The following CNTN1 variants were observed in gnomAD, a reference collection of about 807,000 sequenced individuals.
CNTN1 encodes the protein contactin 1, also known as contactin-1.
A neutral mutation model predicts 126.4 loss-of-function variants in CNTN1; 38 were observed. That is an observed-to-expected ratio of 0.30 (90% CI 0.23 to 0.39). CNTN1 has a LOEUF of 0.39. Ranked by LOEUF, CNTN1 falls within the 10% of genes least tolerant of loss-of-function variation. The pLI is 1.00. For synonymous variants in CNTN1, 413 were observed against 422.6 expected, an observed-to-expected ratio of 0.98 and a Z score of 0.28; for missense variants, 1,009 against 1,248.4, an observed-to-expected ratio of 0.81 and a Z score of 2.89.
intron 1 of CNTN1, among the ~76,000 whole-genome samples, chr12:40,755,496 TGGGGCC>T (rs1938572775): frequency 6.6e-6 from 1 of 151,592 alleles, no homozygotes; most frequent in Admixed American, 6.6e-5. Context: ...GAGGATTGCT[TGGGGCC>T]GGGAGTTTGG....
intron 11 of CNTN1, among the ~76,000 whole-genome samples, chr12:40,938,592 A>G (rs1946160265): frequency 6.6e-6 from 1 of 152,220 alleles, no homozygotes; most frequent in African/African-American, 2.4e-5. Flanking sequence ...TTTCTCATTT[A>G]TAAACTGGGA....
At chr12:40,819,927 G>T (rs1163433245) in intron 1 of CNTN1, among the ~76,000 whole-genome samples, 1 of 152,170 alleles carries the variant, frequency 6.6e-6, no homozygotes, top group East Asian at 1.9e-4. Context: ...CCTTCCTTGT[G>T]TCGTTCTCAG....
chr12:40,771,901 G>A (rs375654104), intron 1 of CNTN1, among the ~76,000 whole-genome samples: 2 of 151,836 alleles, frequency 1.3e-5, no homozygotes, highest in African/African-American at 4.8e-5. Flanking sequence ...ATGCTATGCC[G>A]AGGGAAATAC....
chr12:40,915,600 A>G (rs1295077584), intron 3 of CNTN1, among the ~76,000 whole-genome samples: 1 of 152,104 alleles, frequency 6.6e-6, no homozygotes, highest in Non-Finnish European at 1.5e-5. Context: ...AATCTTTCCA[A>G]TGTGCTGCTT....
rs1449491070 is a variant in CNTN1, at chr12:40,693,392, G to A, written c.-77+800G>A. ...GATTGTGCCCGGATGGGCTCCGAGC[G>A]GCTGCGAGGCTGCCTCCCTAGGTGA... On this transcript the variant is annotated intron_variant, in intron 1 of 23. Coordinates refer to ENST00000551295, the MANE Select transcript of CNTN1 (RefSeq NM_001843.4). Among the ~76,000 whole-genome samples the A allele has an allele frequency of 5.3e-5, 8 of 152,322 alleles. No homozygotes were observed. In the South Asian group the frequency reaches 1.7e-3, roughly 32 times the overall value.
chr12:40,904,506 A>G (rs7970447), intron 1 of CNTN1, among the ~76,000 whole-genome samples: 63,411 of 150,376 alleles, frequency 0.42, 13,841 homozygotes, highest in African/African-American at 0.54. Flanking sequence ...TCCACTCACT[A>G]CAACCTCCAG....
At chr12:40,859,388 G>T (rs1244526853) in intron 1 of CNTN1, among the ~76,000 whole-genome samples, 1 of 152,056 alleles carries the variant, frequency 6.6e-6, no homozygotes, top group Non-Finnish European at 1.5e-5. Context: ...GGATATAAAA[G>T]ATAAGATAAT....
intron 1 of CNTN1, among the ~76,000 whole-genome samples, chr12:40,755,997 T>G (rs774685377): frequency 3.9e-5 from 6 of 152,138 alleles, no homozygotes; most frequent in Admixed American, 2.0e-4. Flanking sequence ...ACATTCTGTA[T>G]GATTATATGG....
At chr12:40,860,570 G>GGTT (rs1173844062) in intron 1 of CNTN1, among the ~76,000 whole-genome samples, 3 of 152,094 alleles carry the variant, frequency 2.0e-5, no homozygotes, top group African/African-American at 7.2e-5. Flanking sequence ...ATAAATTGCT[G>GGTT]TAATGTCTCA....
At chr12:41,023,026 G>T (rs71449802) in intron 20 of CNTN1, among the ~76,000 whole-genome samples, 5 of 152,026 alleles carry the variant, frequency 3.3e-5, no homozygotes, top group Admixed American at 3.3e-4. Context: ...TGGCCGGTAG[G>T]GGGGAGGGGG....
chr12:40,993,964 A>G (rs1040421833), intron 17 of CNTN1, among the ~76,000 whole-genome samples: 2 of 152,124 alleles, frequency 1.3e-5, no homozygotes, highest in Admixed American at 6.6e-5. Context: ...TTAAGTATAA[A>G]TTATATTCAG....
chr12:40,949,302 G>A (rs1301475619), intron 14 of CNTN1, among the ~76,000 whole-genome samples: 2 of 147,878 alleles, frequency 1.4e-5, no homozygotes, highest in East Asian at 3.9e-4. Flanking sequence ...TATACTTTAA[G>A]TTTTAGGGTA....
chr12:40,930,832 A>G (rs771273473), intron 7 of CNTN1, among the ~76,000 whole-genome samples: 14 of 151,908 alleles, frequency 9.2e-5, no homozygotes, highest in Non-Finnish European at 2.1e-4. Flanking sequence ...CACTCACATA[A>G]TTGGTATTCA....
rs545656270 is a variant in CNTN1 at position 40,855,368 on chromosome 12, G to A, written c.-76-52989G>A. On this transcript the variant is annotated intron_variant, in intron 1 of 23. Coordinates refer to ENST00000551295, the MANE Select transcript of CNTN1 (RefSeq NM_001843.4). ...TATCCATTAGAGTCTGAATAATACC[G>A]AGATTCAATGCTCGTCATTATCTAT... is the stretch of plus-strand genomic sequence containing the variant. Among the ~76,000 whole-genome samples the A allele has an allele frequency of 1.6e-4, 25 of 151,808 alleles. No individual in the cohort carries two copies. In the East Asian group the frequency reaches 2.7e-3, roughly 17 times the overall value.
chr12:40,923,804 A>G (rs1159001659), intron 5 of CNTN1, among the ~76,000 whole-genome samples: 1 of 152,186 alleles, frequency 6.6e-6, no homozygotes, highest in Non-Finnish European at 1.5e-5. Flanking sequence ...CTCTGCAAAA[A>G]AGTAACACTT....
At chr12:40,770,470 A>G (rs1292931421) in intron 1 of CNTN1, among the ~76,000 whole-genome samples, 1 of 152,174 alleles carries the variant, frequency 6.6e-6, no homozygotes, top group Non-Finnish European at 1.5e-5. Flanking sequence ...GAACATTTCT[A>G]TGGTAAACTT....
At chr12:40,750,649 T>C (rs1318802220) in intron 1 of CNTN1, among the ~76,000 whole-genome samples, 1 of 149,086 alleles carries the variant, frequency 6.7e-6, no homozygotes, top group African/African-American at 2.5e-5. Context: ...ATTTTGAAAA[T>C]AAAAAATAAA....
intron 15 of CNTN1, among the ~76,000 whole-genome samples, chr12:40,962,991 G>A (rs1262172160): frequency 1.3e-5 from 2 of 152,084 alleles, no homozygotes; most frequent in African/African-American, 2.4e-5. Context: ...AATCGAAGAT[G>A]AAGATAAATA....
At chr12:41,018,090 C>CAA (rs112670448) in intron 19 of CNTN1, among the ~76,000 whole-genome samples, 1 of 146,816 alleles carries the variant, frequency 6.8e-6, no homozygotes, top group Non-Finnish European at 1.5e-5. Flanking sequence ...AAGTCCATCT[C>CAA]AAAAAAAAAA....
Sources: gnomAD v4.1 joint callset for allele counts (sites outside exome capture counted in the v4.1 genomes callset) on GRCh38, gnomAD v4.1.1 for gene constraint, MANE v1.5 for transcripts, NCBI Gene and HGNC (gene_info 2026-07-23, HGNC 2026-07-21) for gene names.